Variants in CCDC88A observed in about 807,000 individuals in gnomAD.
CCDC88A encodes the protein coiled-coil and HOOK domain protein 88A.
Under a neutral mutation model 234.3 loss-of-function variants are expected in CCDC88A, and 54 were observed. The observed-to-expected ratio is 0.23, with a 90% confidence interval of 0.19 to 0.29. CCDC88A has a LOEUF of 0.29. Among genes scored for constraint, CCDC88A ranks in the 10% least tolerant of loss-of-function variants. The pLI is 1.00. For missense variants in CCDC88A, 1,832 were observed against 2,123.4 expected (o/e 0.86, Z 2.70); for synonymous variants, 753 against 737.8 (o/e 1.02, Z -0.33).
chr2:55,332,585 C>T lies in CCDC88A; in HGVS notation c.2836G>A (p.Glu946Lys). 6.2e-7 allele frequency: 1 copy of T among 1,612,538 alleles called. No homozygotes were observed. Among genetic ancestry groups the T allele is most frequent in the Non-Finnish European group, 8.5e-7 (1 of 1,179,572 alleles). Residue 946 changes from glutamate (E) to lysine (K), a missense_variant, in exon 16 of 33, where the codon GAA becomes AAA. This residue lies in a region of CCDC88A where 1,282 missense variants were observed against 1,543.6 expected (regional missense o/e 0.83). Coordinates refer to ENST00000436346, the MANE Select transcript of CCDC88A (RefSeq NM_001365480.1). This position sits in a 1 kb window ranked among gnomAD's most constrained non-coding sequence, Gnocchi z 4.5. ...GLNKERLLHD[E>K]QSTDDSRYKL... ...ACTCACCTGTCATCAGTACTTTGTT[C>T]ATCATGTAAGAGTCGCTCCTTATTT...
At chr2:55,402,528 A>G (rs535529398) in intron 2 of CCDC88A, among the ~76,000 whole-genome samples, 1 of 152,198 alleles carries the variant, frequency 6.6e-6, no homozygotes, top group Admixed American at 6.5e-5. Context: ...GGAATCTGAA[A>G]CTCTATCAAT....
At chr2:55,400,550 C>G (rs1281038252) in intron 2 of CCDC88A, among the ~76,000 whole-genome samples, 1 of 152,144 alleles carries the variant, frequency 6.6e-6, no homozygotes, top group Non-Finnish European at 1.5e-5. Context: ...AATAAACGGA[C>G]AGTAGTATTA....
intron 31 of CCDC88A, among the ~76,000 whole-genome samples, chr2:55,293,125 T>C (rs1679623738): frequency 6.6e-6 from 1 of 152,136 alleles, no homozygotes; most frequent in African/African-American, 2.4e-5. Flanking sequence ...TATAATAGCA[T>C]GTGATTTTTC....
chr2:55,346,951 T>A (rs1195826639), intron 9 of CCDC88A, among the ~76,000 whole-genome samples: 1 of 152,152 alleles, frequency 6.6e-6, no homozygotes, highest in Non-Finnish European at 1.5e-5. Flanking sequence ...CTGTCAGGAA[T>A]GTAAAAAATA....
rs936583844 is a variant in CCDC88A at position 55,290,057 on chromosome 2, A to T, written c.*1143T>A. ...GATTTCATAAGAAAATAAAACTGTG[A>T]TATAAAATTGGAACTACTAAAAAAA... On this transcript the variant is annotated 3_prime_UTR_variant, in exon 33 of 33. Coordinates refer to ENST00000436346, the MANE Select transcript of CCDC88A (RefSeq NM_001365480.1). 1.3e-5 allele frequency: 2 copies of T among 152,590 alleles called. No individual in the cohort carries two copies. The highest frequency in any genetic ancestry group is 4.8e-5 in the African/African-American group (2 of 41,464). 9.5% of individuals were successfully genotyped at this position (152,590 alleles called of 1,614,324 possible).
At chr2:55,389,078 T>A (rs1289510814) in intron 2 of CCDC88A, among the ~76,000 whole-genome samples, 192 bp from the exon 3 acceptor site, 1 of 152,202 alleles carries the variant, frequency 6.6e-6, no homozygotes, top group Non-Finnish European at 1.5e-5. Context: ...CAAATGCAAC[T>A]GATTTCCCAA....
At chr2:55,350,435 A>C (rs1209027301) in intron 8 of CCDC88A, 1 of 151,932 alleles carries the variant, frequency 6.6e-6, no homozygotes, top group African/African-American at 2.4e-5. Context: ...CTTTACTTCT[A>C]ATCTCCCATT....
chr2:55,317,134 C>CAT lies in CCDC88A; in HGVS notation c.3746+70_3746+71dup, dbSNP rs897466844. 6.9e-6 allele frequency: 4 copies of CAT among 578,178 alleles called. No individual in the cohort carries two copies. Among genetic ancestry groups the CAT allele is most frequent in the South Asian group, 1.5e-4 (2 of 13,668 alleles). 35.8% of individuals were successfully genotyped at this position (578,178 alleles called of 1,614,324 possible). On this transcript the variant is annotated intron_variant, in intron 21 of 32. Transcript: ENST00000436346. The surrounding 1 kb of genome is among the most constrained non-coding windows in gnomAD (Gnocchi z 4.2). ...GAAATAATACATAATTTTGAAAAAA[C>CAT]ATATATATACACATATATATGTATA...
At chr2:55,292,457 G>A (rs1366307011) in intron 31 of CCDC88A, 2 of 152,096 alleles carry the variant, frequency 1.3e-5, no homozygotes, top group Admixed American at 1.3e-4. Flanking sequence ...GGGCATCTAT[G>A]TAAGATTTCA....
intron 22 of CCDC88A, 133 bp from the exon 23 acceptor site, chr2:55,312,712 A>G (rs911261570): frequency 1.6e-6 from 1 of 637,424 alleles, no homozygotes. Flanking sequence ...CTTTTATCAG[A>G]GCATGATTAT....
At chr2:55,382,609 A>C (rs1281080966) in intron 3 of CCDC88A, among the ~76,000 whole-genome samples, 2 of 152,150 alleles carry the variant, frequency 1.3e-5, no homozygotes, top group African/African-American at 4.8e-5. Flanking sequence ...AAGAAAAATA[A>C]ATTTTTTAAG....
chr2:55,362,267 G>T, intron 7 of CCDC88A, 41 bp downstream of exon 7: 7 of 1,488,056 alleles, frequency 4.7e-6, no homozygotes, highest in South Asian at 3.9e-5. Flanking sequence ...TTCTTTTTTG[G>T]AAAGCAAACT....
At chr2:55,381,157 C>T (rs1036276633) in intron 3 of CCDC88A, among the ~76,000 whole-genome samples, 1 of 143,722 alleles carries the variant, frequency 7.0e-6, no homozygotes, top group Non-Finnish European at 1.5e-5. Flanking sequence ...GAGCTATAGG[C>T]TACACCATAT....
chr2:55,396,164 C>T (rs12612806), intron 2 of CCDC88A, among the ~76,000 whole-genome samples: 130,771 of 152,160 alleles, frequency 0.86, 56,636 homozygotes, highest in Admixed American at 0.93. Flanking sequence ...ACTTAATGCA[C>T]AAAAGCTTGG....
intron 29 of CCDC88A, among the ~76,000 whole-genome samples, chr2:55,298,327 T>A (rs1421203856): frequency 1.6e-5 from 2 of 125,542 alleles, no homozygotes; most frequent in Non-Finnish European, 3.5e-5. Flanking sequence ...ATTTTTCTAC[T>A]GGATGTAAAA....
At chr2:55,344,991 A>G (rs1444198974) in intron 10 of CCDC88A, among the ~76,000 whole-genome samples, 1 of 152,200 alleles carries the variant, frequency 6.6e-6, no homozygotes, top group Non-Finnish European at 1.5e-5. Flanking sequence ...CTATTAATAA[A>G]TATTTTATAT....
intron 19 of CCDC88A, among the ~76,000 whole-genome samples, chr2:55,318,094 A>G (rs1223860586): frequency 3.3e-5 from 5 of 152,090 alleles, no homozygotes; most frequent in Admixed American, 2.0e-4. Flanking sequence ...TTTTGGGTTG[A>G]ATTTATTTTA....
At chr2:55,303,224 G>T in intron 25 of CCDC88A, 72 bp from the exon 26 acceptor site, 2 of 875,152 alleles carry the variant, frequency 2.3e-6, no homozygotes, top group Non-Finnish European at 3.8e-6. Context: ...ACAGATGGGA[G>T]TTAAATGTTG....
intron 3 of CCDC88A, 139 bp downstream of exon 3, chr2:55,388,639 A>C (rs1048644642): frequency 2.2e-6 from 1 of 463,674 alleles, no homozygotes; most frequent in African/African-American, 2.1e-5. Context: ...AAACTATCTT[A>C]TTTACTACTC....
Sources: gnomAD v4.1 joint callset for allele counts (sites outside exome capture counted in the v4.1 genomes callset) on GRCh38, gnomAD v4.1.1 for gene constraint, gnomAD v4.1.1 regional missense constraint, Gnocchi (gnomAD v3.1) non-coding constraint, MANE v1.5 for transcripts, NCBI Gene and HGNC (gene_info 2026-07-23, HGNC 2026-07-21) for gene names.